Variants in EEFSEC observed in about 807,000 individuals in gnomAD.
The protein encoded by EEFSEC is selenocysteine-specific elongation factor.
In EEFSEC, 43 loss-of-function variants were observed where a neutral mutation model predicts 42.1. The ratio of observed to expected loss-of-function variants is 1.02; its 90% CI spans 0.80 to 1.32. The LOEUF is 1.32. Ranked by LOEUF, EEFSEC falls within the 40% of genes most tolerant of loss-of-function variation. The pLI is 0.00. For missense variants in EEFSEC, 745 were observed against 803.6 expected, an observed-to-expected ratio of 0.93 and a Z score of 0.88; for synonymous variants, 354 against 339.1, an observed-to-expected ratio of 1.04 and a Z score of -0.48.
At chr3:128,379,740 G>A (rs2067751668) in intron 6 of EEFSEC, among the ~76,000 whole-genome samples, 2 of 152,356 alleles carry the variant, frequency 1.3e-5, no homozygotes, top group South Asian at 2.1e-4. Flanking sequence ...GAAACAAAAG[G>A]GAAACTGAGG....
chr3:128,380,721 C>T (rs1012464961), intron 6 of EEFSEC, among the ~76,000 whole-genome samples: 2 of 152,208 alleles, frequency 1.3e-5, no homozygotes, highest in Non-Finnish European at 2.9e-5. Context: ...TATATGTTAT[C>T]CCATAGTCCG....
intron 4 of EEFSEC, among the ~76,000 whole-genome samples, chr3:128,309,299 G>A (rs867058803): frequency 1.1e-4 from 16 of 152,300 alleles, no homozygotes; most frequent in South Asian, 2.1e-4. Flanking sequence ...GCAGAGGGGA[G>A]GCGATAGCTG....
the EEFSEC span, among the ~76,000 whole-genome samples, chr3:128,418,204 C>T: frequency 6.6e-6 from 1 of 152,006 alleles, no homozygotes; most frequent in Non-Finnish European, 1.5e-5. Context: ...CCCCTCCTCA[C>T]CTGTCTGCAC....
chr3:128,251,085 C>T (rs1270641000), intron 2 of EEFSEC, among the ~76,000 whole-genome samples: 1 of 151,896 alleles, frequency 6.6e-6, no homozygotes, highest in Non-Finnish European at 1.5e-5. Context: ...GATTTTTGAA[C>T]TTGTACCCTG....
intron 1 of EEFSEC, among the ~76,000 whole-genome samples, chr3:128,243,893 G>A (rs901830002): frequency 1.8e-4 from 27 of 152,328 alleles, no homozygotes; most frequent in African/African-American, 6.5e-4. Context: ...CCTACCTGCT[G>A]TATAACCATG....
intron 6 of EEFSEC, among the ~76,000 whole-genome samples, chr3:128,406,886 A>G (rs554854465): frequency 6.6e-6 from 1 of 151,802 alleles, no homozygotes; most frequent in African/African-American, 2.4e-5. Flanking sequence ...ACATATATAT[A>G]TATTACACTA....
intron 1 of EEFSEC, among the ~76,000 whole-genome samples, chr3:128,200,987 G>A (rs2107816975): frequency 6.6e-6 from 1 of 152,256 alleles, no homozygotes. Context: ...TGCTGCTGGT[G>A]ATCCTGGACT....
intron 1 of EEFSEC, among the ~76,000 whole-genome samples, chr3:128,190,471 A>T (rs1465884966): frequency 6.6e-6 from 1 of 152,248 alleles, no homozygotes; most frequent in Admixed American, 6.5e-5. Flanking sequence ...AAGAAAGAAA[A>T]TATTTTTATA....
At chr3:128,230,093 T>C (rs2065945380) in intron 1 of EEFSEC, among the ~76,000 whole-genome samples, 1 of 139,686 alleles carries the variant, frequency 7.2e-6, no homozygotes, top group South Asian at 2.4e-4. Context: ...TCTGTCATTC[T>C]TTCGTTTTTT....
At chr3:128,235,571 A>G (rs1048570807) in intron 1 of EEFSEC, among the ~76,000 whole-genome samples, 2 of 152,216 alleles carry the variant, frequency 1.3e-5, no homozygotes, top group African/African-American at 2.4e-5. Context: ...ATTTTTAAGC[A>G]TGTTCTTTCT....
intron 4 of EEFSEC, among the ~76,000 whole-genome samples, chr3:128,306,970 G>A (rs948377023): frequency 6.6e-6 from 1 of 152,246 alleles, no homozygotes; most frequent in Non-Finnish European, 1.5e-5. Flanking sequence ...TAGCTTTTAA[G>A]ACAAGTTGTA....
intron 6 of EEFSEC, among the ~76,000 whole-genome samples, chr3:128,380,265 C>T (rs1401640879): frequency 6.6e-6 from 1 of 152,214 alleles, no homozygotes; most frequent in African/African-American, 2.4e-5. Flanking sequence ...TATCTTACCT[C>T]CCCTGTTATC....
At chr3:128,318,824 G>T (rs1202348162) in intron 4 of EEFSEC, among the ~76,000 whole-genome samples, 1 of 152,018 alleles carries the variant, frequency 6.6e-6, no homozygotes, top group Non-Finnish European at 1.5e-5. Flanking sequence ...AGCGGTTGAT[G>T]CCTGGCTTCG....
At chr3:128,273,477 A>G (rs1387358983) in intron 4 of EEFSEC, among the ~76,000 whole-genome samples, 2 of 152,164 alleles carry the variant, frequency 1.3e-5, no homozygotes, top group African/African-American at 4.8e-5. Context: ...TTCCTGTGGA[A>G]GCTTGGAGCT....
At chr3:128,363,067 G>A (rs1035900059) in intron 6 of EEFSEC, among the ~76,000 whole-genome samples, 1 of 152,222 alleles carries the variant, frequency 6.6e-6, no homozygotes, top group African/African-American at 2.4e-5. Flanking sequence ...CCAGCACTCA[G>A]GAGGAGGAGA....
At chr3:128,347,430 CCTGTTTCAAAGTAA>C (rs2067326317) in intron 5 of EEFSEC, among the ~76,000 whole-genome samples, 1 of 152,018 alleles carries the variant, frequency 6.6e-6, no homozygotes, top group African/African-American at 2.4e-5. Context: ...TAGTTGGTAT[CCTGTTTCAAAGTAA>C]AAATATAGAA....
intron 2 of EEFSEC, among the ~76,000 whole-genome samples, 165 bp from the exon 3 acceptor site, chr3:128,261,963 A>G (rs1191551905): frequency 6.6e-6 from 1 of 152,172 alleles, no homozygotes; most frequent in Admixed American, 6.5e-5. Context: ...CCATTGCATC[A>G]TGTGCCATGT....
At chr3:128,237,479 C>G (rs1403161198) in intron 1 of EEFSEC, among the ~76,000 whole-genome samples, 1 of 151,988 alleles carries the variant, frequency 6.6e-6, no homozygotes, top group African/African-American at 2.4e-5. Context: ...AGATGGCTAC[C>G]CATTGTCCCT....
chr3:128,165,620 G>A (rs1239875891), intron 1 of EEFSEC, among the ~76,000 whole-genome samples: 1 of 152,168 alleles, frequency 6.6e-6, no homozygotes, highest in African/African-American at 2.4e-5. Flanking sequence ...TTCCTCTCTT[G>A]TCTTGAGGCC....
Sources: gnomAD v4.1 joint callset for allele counts (sites outside exome capture counted in the v4.1 genomes callset) on GRCh38, gnomAD v4.1.1 for gene constraint, MANE v1.5 for transcripts, NCBI Gene and HGNC (gene_info 2026-07-23, HGNC 2026-07-21) for gene names.